Variants in CAMK4 observed in about 807,000 individuals in gnomAD.
The protein encoded by CAMK4 is calcium/calmodulin dependent protein kinase IV.
Under a neutral mutation model 44.9 loss-of-function variants are expected in CAMK4, and 22 were observed. The observed-to-expected ratio is 0.49, with a 90% CI of 0.35 to 0.70. The LOEUF (loss-of-function observed/expected upper bound fraction) is 0.70. Ranked by LOEUF, CAMK4 falls within the 30% of genes least tolerant of loss-of-function variation. The pLI is 0.01. For synonymous variants in CAMK4, 218 were observed against 215.4 expected (o/e 1.01, Z -0.11); for missense variants, 498 against 586.8 (o/e 0.85, Z 1.56).
intron 1 of CAMK4, among the ~76,000 whole-genome samples, chr5:111,328,465 T>C (rs1749002284): frequency 6.6e-6 from 1 of 152,134 alleles, no homozygotes; most frequent in East Asian, 1.9e-4. Context: ...GCTTTGTTCT[T>C]TTGGCTTAGG....
intron 5 of CAMK4, among the ~76,000 whole-genome samples, chr5:111,443,317 A>ATATATATAC (rs1753909299): frequency 4.7e-5 from 6 of 127,656 alleles, no homozygotes; most frequent in South Asian, 2.4e-4. Context: ...CACACACACT[A>ATATATATAC]TATATATATA....
intron 1 of CAMK4, among the ~76,000 whole-genome samples, chr5:111,322,791 G>C (rs1022638263): frequency 2.6e-5 from 4 of 152,024 alleles, no homozygotes; most frequent in African/African-American, 9.7e-5. Flanking sequence ...CATAGAGAAT[G>C]TTTCAGCACA....
At chr5:111,267,878 A>G (rs1223710314) in intron 1 of CAMK4, among the ~76,000 whole-genome samples, 1 of 152,212 alleles carries the variant, frequency 6.6e-6, no homozygotes, top group Non-Finnish European at 1.5e-5. Flanking sequence ...TATAGTGTGC[A>G]TAGTGTAATT....
At chr5:111,244,628 T>G (rs1358202142) in intron 1 of CAMK4, among the ~76,000 whole-genome samples, 1 of 152,200 alleles carries the variant, frequency 6.6e-6, no homozygotes, top group Non-Finnish European at 1.5e-5. Flanking sequence ...TTTGGGAGGC[T>G]GAGGCAGGCG....
chr5:111,285,900 T>G (rs1751221493), intron 1 of CAMK4, among the ~76,000 whole-genome samples: 1 of 152,202 alleles, frequency 6.6e-6, no homozygotes, highest in South Asian at 2.1e-4. Context: ...AGTAAATCCA[T>G]AATGAGTTTC....
chr5:111,236,337 G>A (rs1306847048), intron 1 of CAMK4, among the ~76,000 whole-genome samples: 1 of 152,206 alleles, frequency 6.6e-6, no homozygotes, highest in Non-Finnish European at 1.5e-5. Flanking sequence ...TTACCATCAT[G>A]GGATATTTAC....
At chr5:111,235,915 A>T (rs1561352760) in intron 1 of CAMK4, among the ~76,000 whole-genome samples, 1 of 152,194 alleles carries the variant, frequency 6.6e-6, no homozygotes, top group Non-Finnish European at 1.5e-5. Context: ...AGCACCAAGC[A>T]GGCCATTCTG....
chr5:111,446,659 T>G (rs1158005133), intron 5 of CAMK4, 27 bp from the exon 6 acceptor site: 1 of 1,180,228 alleles, frequency 8.5e-7, no homozygotes, highest in Non-Finnish European at 1.2e-6. Context: ...ATTACACAAA[T>G]GTTATTTCAT....
intron 6 of CAMK4, among the ~76,000 whole-genome samples, chr5:111,448,697 T>C (rs149670841): frequency 0.063 from 9,625 of 152,068 alleles, 365 homozygotes; most frequent in African/African-American, 0.096. Context: ...TCCCAGCTAC[T>C]TGGGAGGCTG....
chr5:111,372,764 A>C (rs1255756180), intron 2 of CAMK4, among the ~76,000 whole-genome samples: 1 of 152,156 alleles, frequency 6.6e-6, no homozygotes, highest in African/African-American at 2.4e-5. Flanking sequence ...AAGACTGCTG[A>C]AACAGCCTCC....
chr5:111,267,768 G>C (rs1445225642), intron 1 of CAMK4, among the ~76,000 whole-genome samples: 1 of 145,890 alleles, frequency 6.9e-6, no homozygotes, highest in Non-Finnish European at 1.5e-5. Flanking sequence ...GATAGAATTA[G>C]AATATCCCAC....
Position 111,299,533 on chromosome 5 carries a change from A to G in CAMK4, c.162-44491A>G, listed in dbSNP as rs576952381. Among the ~76,000 whole-genome samples, 3 of 152,378 alleles carry G rather than the reference A, an allele frequency of 2.0e-5. No individual in the cohort carries two copies. The East Asian group carries it at 5.8e-4, about 29-fold the overall frequency. Reference sequence around the variant, plus strand: ...GACAGAAAAGAAGGCAAAGCATCTCATTAATAATTTTATATTGTTTAAATG... The same window carrying G: ...GACAGAAAAGAAGGCAAAGCATCTCGTTAATAATTTTATATTGTTTAAATG... On this transcript the variant is annotated intron_variant, in intron 1 of 10. Coordinates refer to ENST00000282356, the MANE Select transcript of CAMK4 (RefSeq NM_001744.6).
chr5:111,417,875 A>T (rs1271161110), intron 5 of CAMK4, among the ~76,000 whole-genome samples: 1 of 152,168 alleles, frequency 6.6e-6, no homozygotes, highest in Non-Finnish European at 1.5e-5. Context: ...CCCTGGTGAT[A>T]TATTTTTGTA....
chr5:111,436,749 A>G (rs76097853), intron 5 of CAMK4, among the ~76,000 whole-genome samples: 2,279 of 152,284 alleles, frequency 0.015, 56 homozygotes, highest in African/African-American at 0.053. Context: ...TTTTAAGTCA[A>G]CACATCAGTT....
chr5:111,459,105 G>A (rs746902709), intron 7 of CAMK4, among the ~76,000 whole-genome samples: 3 of 152,066 alleles, frequency 2.0e-5, no homozygotes, highest in Non-Finnish European at 4.4e-5. Flanking sequence ...GCATATAGAC[G>A]GTATTTCAAG....
chr5:111,396,141 C>A (rs972896823), intron 5 of CAMK4, among the ~76,000 whole-genome samples: 3 of 152,102 alleles, frequency 2.0e-5, no homozygotes, highest in Non-Finnish European at 2.9e-5. Flanking sequence ...ATAACCTTTG[C>A]ATAAGGCTTC....
In CAMK4 at chr5:111,493,766, G is replaced by A. The variant is rs1436462390; in HGVS notation, c.*9300G>A. ...TTTACATCCATCTTCAAGAAACTTG[G>A]GAGACATTTAGACATTTAGTATGTG... On this transcript the variant is annotated 3_prime_UTR_variant, in exon 11 of 11. Coordinates refer to ENST00000282356, the MANE Select transcript of CAMK4 (RefSeq NM_001744.6). This position sits in a 1 kb window ranked among gnomAD's most constrained non-coding sequence, Gnocchi z 4.1. The A allele has an allele frequency of 6.6e-6, 1 of 152,072 alleles. No individual in the cohort carries two copies. The highest frequency in any genetic ancestry group is 1.5e-5 in the Non-Finnish European group (1 of 68,024). 9.4% of individuals were successfully genotyped at this position (152,072 alleles called of 1,614,324 possible).
chr5:111,289,553 G>A (rs1407288995), intron 1 of CAMK4, among the ~76,000 whole-genome samples: 1 of 152,180 alleles, frequency 6.6e-6, no homozygotes, highest in Non-Finnish European at 1.5e-5. Flanking sequence ...ATTGTTGCAA[G>A]TAATCTCAAG....
At chr5:111,335,054 G>A (rs117206372) in intron 1 of CAMK4, among the ~76,000 whole-genome samples, 12 of 151,508 alleles carry the variant, frequency 7.9e-5, no homozygotes, top group East Asian at 3.9e-4. Flanking sequence ...CAGCTGGAGC[G>A]GAGAAACATG....
Sources: gnomAD v4.1 joint callset for allele counts (sites outside exome capture counted in the v4.1 genomes callset) on GRCh38, gnomAD v4.1.1 for gene constraint, Gnocchi (gnomAD v3.1) non-coding constraint, MANE v1.5 for transcripts, NCBI Gene and HGNC (gene_info 2026-07-23, HGNC 2026-07-21) for gene names.